The following GPC5 variants were observed in gnomAD, a reference collection of about 807,000 sequenced individuals.
The protein encoded by GPC5 is glypican 5.
In GPC5, 47 loss-of-function variants were observed where a neutral mutation model predicts 53.9. That is an observed-to-expected ratio of 0.87 (90% CI 0.69 to 1.11). GPC5 has a LOEUF of 1.11. Ranked by LOEUF, GPC5 falls within the 50% of genes most tolerant of loss-of-function variation. GPC5 has a pLI of 0.00. For missense variants in GPC5, 748 were observed against 713.1 expected (o/e 1.05, Z -0.56); for synonymous variants, 286 against 263.3 (o/e 1.09, Z -0.84).
chr13:92,354,008 C>A (rs1471554677), intron 7 of GPC5, among the ~76,000 whole-genome samples: 1 of 152,096 alleles, frequency 6.6e-6, no homozygotes, highest in Non-Finnish European at 1.5e-5. Context: ...GCCTAATGTT[C>A]ACAGGAATAA....
chr13:92,168,870 G>T (rs1445104525), intron 7 of GPC5, among the ~76,000 whole-genome samples: 5 of 152,136 alleles, frequency 3.3e-5, no homozygotes, highest in African/African-American at 1.2e-4. Context: ...CTATTATAAA[G>T]ATACATGCAT....
At chr13:92,194,180 T>G (rs2042242187) in intron 7 of GPC5, among the ~76,000 whole-genome samples, 1 of 152,326 alleles carries the variant, frequency 6.6e-6, no homozygotes, top group African/African-American at 2.4e-5. Flanking sequence ...ATTATTATCC[T>G]CATTTTACAA....
chr13:92,269,590 T>C (rs1209147695), intron 7 of GPC5, among the ~76,000 whole-genome samples: 5 of 152,068 alleles, frequency 3.3e-5, no homozygotes, highest in African/African-American at 1.2e-4. Flanking sequence ...GTATTTTTAG[T>C]AGAGACGGGA....
intron 6 of GPC5, among the ~76,000 whole-genome samples, chr13:92,065,709 T>A (rs1298290161): frequency 6.6e-6 from 1 of 152,174 alleles, no homozygotes; most frequent in Non-Finnish European, 1.5e-5. Flanking sequence ...TAAATTTACA[T>A]TTTCAAAATT....
chr13:91,924,438 G>A (rs1299120415), intron 6 of GPC5, among the ~76,000 whole-genome samples: 1 of 152,056 alleles, frequency 6.6e-6, no homozygotes, highest in African/African-American at 2.4e-5. Context: ...ATCATTATCT[G>A]GCCTAGAGTG....
chr13:92,659,673 G>A (rs1173628871), intron 7 of GPC5, among the ~76,000 whole-genome samples: 1 of 152,114 alleles, frequency 6.6e-6, no homozygotes, highest in East Asian at 1.9e-4. Flanking sequence ...CATTTTTGGT[G>A]CAATTACTTC....
At chr13:92,808,954 AG>A (rs1197742371) in intron 7 of GPC5, among the ~76,000 whole-genome samples, 1 of 152,132 alleles carries the variant, frequency 6.6e-6, no homozygotes, top group African/African-American at 2.4e-5. Context: ...ACAAGATACT[AG>A]GAGCTCAGTA....
chr13:92,004,458 TTATATA>T (rs58376767), intron 6 of GPC5, among the ~76,000 whole-genome samples: 38,530 of 82,310 alleles, frequency 0.47, 9,514 homozygotes, highest in South Asian at 0.7. Context: ...AAAAAAAAAA[TTATATA>T]TATATATATA....
chr13:92,224,389 T>C (rs2042469843), intron 7 of GPC5, among the ~76,000 whole-genome samples: 2 of 152,170 alleles, frequency 1.3e-5, no homozygotes, highest in African/African-American at 4.8e-5. Flanking sequence ...CAGGAAACTT[T>C]TGGATTTGTA....
At chr13:92,164,624 C>T (rs1046170546) in intron 7 of GPC5, among the ~76,000 whole-genome samples, 3 of 152,152 alleles carry the variant, frequency 2.0e-5, no homozygotes, top group African/African-American at 7.2e-5. Context: ...CTTTTCCAGG[C>T]ACACAGTGCA....
chr13:92,470,296 A>G (rs1476937138), intron 7 of GPC5, among the ~76,000 whole-genome samples: 1 of 152,182 alleles, frequency 6.6e-6, no homozygotes, highest in East Asian at 1.9e-4. Context: ...TTTGTATTTC[A>G]CAGCAGATTG....
intron 7 of GPC5, among the ~76,000 whole-genome samples, chr13:92,851,574 C>A (rs539391610): frequency 6.6e-6 from 1 of 152,190 alleles, no homozygotes; most frequent in South Asian, 2.1e-4. Flanking sequence ...TAAAGTCTCT[C>A]TTTTGCTCAA....
intron 7 of GPC5, among the ~76,000 whole-genome samples, chr13:92,163,195 T>C (rs1277644792): frequency 6.6e-6 from 1 of 152,014 alleles, no homozygotes; most frequent in Non-Finnish European, 1.5e-5. Context: ...GGCATGGTGA[T>C]TCACGCCTGT....
intron 6 of GPC5, among the ~76,000 whole-genome samples, chr13:91,990,724 T>C (rs954473616): frequency 6.6e-6 from 1 of 152,204 alleles, no homozygotes; most frequent in Non-Finnish European, 1.5e-5. Context: ...GGCTTGTATA[T>C]TGCTCACGCA....
intron 5 of GPC5, among the ~76,000 whole-genome samples, chr13:91,824,421 G>T (rs1274411130): frequency 6.6e-6 from 1 of 151,962 alleles, no homozygotes; most frequent in Admixed American, 6.6e-5. Context: ...GTTTTAAATG[G>T]CTCAGTATTC....
chr13:91,698,663 G>A (rs1296684219), intron 3 of GPC5, among the ~76,000 whole-genome samples: 1 of 152,156 alleles, frequency 6.6e-6, no homozygotes, highest in African/African-American at 2.4e-5. Flanking sequence ...AGTCTCCAAA[G>A]TAACCTAATT....
intron 7 of GPC5, among the ~76,000 whole-genome samples, chr13:92,431,044 A>G (rs908652229): frequency 1.3e-5 from 2 of 152,178 alleles, no homozygotes; most frequent in African/African-American, 2.4e-5. Flanking sequence ...CAGAATTTAG[A>G]TATCTTTTTA....
At chr13:91,577,252 T>C (rs1329675299) in intron 2 of GPC5, among the ~76,000 whole-genome samples, 2 of 152,204 alleles carry the variant, frequency 1.3e-5, no homozygotes, top group African/African-American at 4.8e-5. Flanking sequence ...GAAATTCAAC[T>C]TGGGAAATGT....
chr13:91,540,926 G>A (rs2029890375), intron 2 of GPC5, among the ~76,000 whole-genome samples: 1 of 151,826 alleles, frequency 6.6e-6, no homozygotes, highest in African/African-American at 2.4e-5. Context: ...ATACATTGTT[G>A]ATTAAAAGTC....
Sources: allele counts gnomAD v4.1 joint callset (sites outside exome capture counted in the v4.1 genomes callset), GRCh38; gene constraint gnomAD v4.1.1; transcripts MANE v1.5; gene names NCBI Gene and HGNC (gene_info 2026-07-23, HGNC 2026-07-21).